ZNF536: variants seen among roughly 807,000 people sequenced by gnomAD.
The protein encoded by ZNF536 is zinc finger protein 536.
A neutral mutation model predicts 84.5 loss-of-function variants in ZNF536; 13 were observed. The observed-to-expected ratio is 0.15, with a 90% CI of 0.10 to 0.24. The LOEUF is 0.24. Among genes scored for constraint, ZNF536 ranks in the 10% least tolerant of loss-of-function variants. The probability of loss-of-function intolerance (pLI) is 1.00; values close to 1 mark genes in which losing one functional copy is unlikely to be tolerated. For synonymous variants in ZNF536, 811 were observed against 742.5 expected (o/e 1.09, Z -1.50); for missense variants, 1,536 against 1,747.5 (o/e 0.88, Z 2.16).
intron 1 of ZNF536, among the ~76,000 whole-genome samples, chr19:30,606,801 CA>C (rs1217947830): frequency 6.6e-6 from 1 of 152,134 alleles, no homozygotes; most frequent in East Asian, 1.9e-4. Context: ...GAGAACGTTG[CA>C]GCTCAGCTTC....
chr19:30,456,215 A>G (rs1410304732), intron 2 of ZNF536, among the ~76,000 whole-genome samples: 1 of 152,184 alleles, frequency 6.6e-6, no homozygotes, highest in East Asian at 1.9e-4. Context: ...ACATGGAGGA[A>G]ATGCTAGAAA....
intron 1 of ZNF536, among the ~76,000 whole-genome samples, chr19:30,681,805 G>C (rs1268408751): frequency 2.0e-5 from 3 of 152,162 alleles, no homozygotes; most frequent in South Asian, 4.1e-4. Flanking sequence ...CTGGTCTCTG[G>C]GTAGCCCCCC....
At chr19:30,229,505 G>A (rs2022853690) in intron 1 of ZNF536, among the ~76,000 whole-genome samples, 1 of 152,184 alleles carries the variant, frequency 6.6e-6, no homozygotes, top group Non-Finnish European at 1.5e-5. Context: ...CCTAGTTCTT[G>A]TTTGCCGGCC....
At chr19:30,534,768 GT>G in intron 2 of ZNF536, 78 bp from the exon 3 acceptor site, 1 of 1,451,502 alleles carries the variant, frequency 6.9e-7, no homozygotes, top group Non-Finnish European at 9.3e-7. Flanking sequence ...GTTTAACTTT[GT>G]GTGGTGTTAG....
intron 1 of ZNF536, among the ~76,000 whole-genome samples, chr19:30,237,429 G>A (rs1040616477): frequency 3.3e-4 from 50 of 152,248 alleles, no homozygotes; most frequent in East Asian, 2.7e-3. Flanking sequence ...AGGAATCAGA[G>A]GGCTTAGCAG....
intron 2 of ZNF536, among the ~76,000 whole-genome samples, chr19:30,340,764 A>G (rs1046865375): frequency 6.6e-6 from 1 of 152,208 alleles, no homozygotes; most frequent in African/African-American, 2.4e-5. Context: ...CCATGAGGAC[A>G]TGAGAGTGCA....
chr19:30,271,567 G>A (rs2025857079), intron 1 of ZNF536, among the ~76,000 whole-genome samples: 2 of 152,094 alleles, frequency 1.3e-5, no homozygotes. Flanking sequence ...AGCGAAATGA[G>A]CAAAACCCCA....
intron 2 of ZNF536, among the ~76,000 whole-genome samples, chr19:30,469,034 G>A (rs1287732034): frequency 6.6e-6 from 1 of 152,130 alleles, no homozygotes; most frequent in Non-Finnish European, 1.5e-5. Flanking sequence ...AGGGCCCTGG[G>A]GGACTGCTGC....
At chr19:30,635,520 A>C (rs546290387) in intron 1 of ZNF536, among the ~76,000 whole-genome samples, 1 of 152,262 alleles carries the variant, frequency 6.6e-6, no homozygotes, top group South Asian at 2.1e-4. Context: ...CCCTGTGCGG[A>C]TCCTCGGCTC....
At chr19:30,280,653 A>G (rs557336892) in intron 1 of ZNF536, among the ~76,000 whole-genome samples, 1 of 152,344 alleles carries the variant, frequency 6.6e-6, no homozygotes, top group South Asian at 2.1e-4. Context: ...TGCTAAACTC[A>G]GGGCCCATCT....
chr19:30,543,340 G>A, intron 3 of ZNF536, among the ~76,000 whole-genome samples: 1 of 152,254 alleles, frequency 6.6e-6, no homozygotes, highest in East Asian at 1.9e-4. Flanking sequence ...GAGGCAGCCT[G>A]AGTGGTCCCC....
intron 2 of ZNF536, among the ~76,000 whole-genome samples, chr19:30,507,894 T>C (rs2145455756): frequency 6.6e-6 from 1 of 152,342 alleles, no homozygotes; most frequent in Non-Finnish European, 1.5e-5. Flanking sequence ...CTTTCTCAGG[T>C]ATTATCACAT....
chr19:30,305,339 G>A (rs557750773), intron 2 of ZNF536, among the ~76,000 whole-genome samples: 10 of 152,282 alleles, frequency 6.6e-5, no homozygotes, highest in South Asian at 2.1e-4. Context: ...ATTCCTGACT[G>A]GCTCAGTTTC....
At chr19:30,606,047 G>A (rs1284144918) in intron 1 of ZNF536, among the ~76,000 whole-genome samples, 1 of 151,818 alleles carries the variant, frequency 6.6e-6, no homozygotes, top group Non-Finnish European at 1.5e-5. Flanking sequence ...CAAATTGAAA[G>A]AGCAGATGTT....
Position 30,587,119 on chromosome 19 carries a change from C to G in ZNF536, c.169+37605C>G, listed in dbSNP as rs565599357. On this transcript the variant is annotated intron_variant, in intron 1 of 1. Transcript: ENST00000592773. The stretch of plus-strand genomic sequence containing the variant: ...TGATACCTTTTTCCTTCTAGATCCT[C>G]AACCAGCCTTTCCCATCATTGCTAC... 3.3e-5 allele frequency among the ~76,000 whole-genome samples: 5 copies of G among 152,338 alleles called. No individual in the cohort carries two copies. The South Asian group carries it at 8.3e-4, about 25-fold the overall frequency.
intron 1 of ZNF536, among the ~76,000 whole-genome samples, chr19:30,234,161 G>C (rs2023288828): frequency 6.6e-6 from 1 of 152,192 alleles, no homozygotes; most frequent in African/African-American, 2.4e-5. Context: ...TATGACACAG[G>C]AGAAATGATC....
chr19:30,240,943 T>C (rs1393432993), intron 1 of ZNF536, among the ~76,000 whole-genome samples: 1 of 152,202 alleles, frequency 6.6e-6, no homozygotes, highest in East Asian at 1.9e-4. Context: ...TTTGGGGTCC[T>C]GGGGACATAA....
intron 3 of ZNF536, among the ~76,000 whole-genome samples, chr19:30,366,724 A>G (rs2048449441): frequency 6.6e-6 from 1 of 152,132 alleles, no homozygotes; most frequent in African/African-American, 2.4e-5. Context: ...CTGAGAATGT[A>G]GCAGAGAACA....
chr19:30,385,733 A>G (rs1269947980), intron 1 of ZNF536, among the ~76,000 whole-genome samples: 3 of 151,860 alleles, frequency 2.0e-5, no homozygotes, highest in Non-Finnish European at 2.9e-5. Context: ...CTTCTCCCCA[A>G]CTTTTCAGAC....
Sources: allele counts gnomAD v4.1 joint callset (sites outside exome capture counted in the v4.1 genomes callset), GRCh38; gene constraint gnomAD v4.1.1; transcripts MANE v1.5; gene names NCBI Gene and HGNC (gene_info 2026-07-23, HGNC 2026-07-21).